The following SLC25A48 variants were observed in gnomAD, a reference collection of about 807,000 sequenced individuals.
SLC25A48 encodes the protein solute carrier family 25 member 48.
SLC25A48 carries 29 observed loss-of-function variants against 32.2 expected under a neutral mutation model. The ratio of observed to expected loss-of-function variants is 0.90; its 90% CI spans 0.67 to 1.23. The LOEUF is 1.23. SLC25A48 is among the 50% of genes most tolerant of loss of function. The pLI, the probability that SLC25A48 is intolerant of heterozygous loss-of-function variation, is 0.00. For synonymous variants in SLC25A48, 164 were observed against 172.3 expected, an observed-to-expected ratio of 0.95 and a Z score of 0.38; for missense variants, 399 against 422.7, an observed-to-expected ratio of 0.94 and a Z score of 0.49.
At chr5:135,882,995 G>T (rs1561565209) in intron 7 of SLC25A48, 1 of 975,786 alleles carries the variant, frequency 1.0e-6, no homozygotes, top group Non-Finnish European at 1.2e-6. Context: ...TGGGTTGTTT[G>T]ACCCCAAGAT....
At chr5:135,717,340 G>A (rs1325865009) in intron 3 of SLC25A48, among the ~76,000 whole-genome samples, 1 of 152,170 alleles carries the variant, frequency 6.6e-6, no homozygotes, top group Non-Finnish European at 1.5e-5. Context: ...GGCCACATCT[G>A]TGCCCTGCTT....
chr5:135,867,133 T>TA (rs1345766561), intron 4 of SLC25A48, among the ~76,000 whole-genome samples: 2 of 152,192 alleles, frequency 1.3e-5, no homozygotes, highest in Non-Finnish European at 2.9e-5. Flanking sequence ...CATTACAGAA[T>TA]AAAAAATTCT....
chr5:135,766,100 G>A (rs568638915), intron 3 of SLC25A48, among the ~76,000 whole-genome samples: 20 of 151,554 alleles, frequency 1.3e-4, no homozygotes, highest in Non-Finnish European at 1.8e-4. Context: ...TCCCCATATC[G>A]CGGGGGATGT....
intron 1 of SLC25A48, among the ~76,000 whole-genome samples, chr5:135,627,051 G>A (rs762327842): frequency 1.3e-5 from 2 of 152,170 alleles, no homozygotes; most frequent in Non-Finnish European, 2.9e-5. Flanking sequence ...AAAAAGGAGA[G>A]CCCAGGATCA....
At chr5:135,640,065 A>G (rs1752796839) in intron 3 of SLC25A48, among the ~76,000 whole-genome samples, 2 of 152,226 alleles carry the variant, frequency 1.3e-5, no homozygotes, top group Non-Finnish European at 2.9e-5. Flanking sequence ...GGGGAAACAG[A>G]TGAAAACTGT....
At chr5:135,612,568 A>G (rs1475419690) in intron 1 of SLC25A48, among the ~76,000 whole-genome samples, 1 of 152,128 alleles carries the variant, frequency 6.6e-6, no homozygotes, top group Non-Finnish European at 1.5e-5. Context: ...AGCCTCTGGT[A>G]TCTATCATTC....
At chr5:135,753,047 C>T (rs1755807176) in intron 3 of SLC25A48, among the ~76,000 whole-genome samples, 1 of 152,022 alleles carries the variant, frequency 6.6e-6, no homozygotes, top group African/African-American at 2.4e-5. Context: ...TGCATAATAT[C>T]ACTGGGGGTG....
rs536328561 is a variant in SLC25A48 at position 135,746,644 on chromosome 5, C to T, written c.-520-65879C>T. ...CAGGGATTTCCTATCATACATACTT[C>T]GGCAGTGCATCTCCTAAGAACACAG... On this transcript the variant is annotated intron_variant, in intron 3 of 10. Transcript: ENST00000646290. 3.3e-5 allele frequency among the ~76,000 whole-genome samples: 5 copies of T among 152,314 alleles called. No individual in the cohort carries two copies. The East Asian group carries it at 5.8e-4, about 18-fold the overall frequency.
At chr5:135,775,423 C>T (rs1354894676) in intron 3 of SLC25A48, among the ~76,000 whole-genome samples, 1 of 151,294 alleles carries the variant, frequency 6.6e-6, no homozygotes, top group Non-Finnish European at 1.5e-5. Context: ...TTCTAATGTT[C>T]AGGGGAAAGA....
intron 1 of SLC25A48, among the ~76,000 whole-genome samples, chr5:135,602,614 C>CTT (rs781288614): frequency 0.038 from 5,254 of 139,706 alleles, 309 homozygotes; most frequent in African/African-American, 0.13. Context: ...TTTTTTCTTT[C>CTT]TTTTTTTTTT....
At chr5:135,820,396 G>A (rs1757853846) in intron 4 of SLC25A48, among the ~76,000 whole-genome samples, 2 of 152,152 alleles carry the variant, frequency 1.3e-5, no homozygotes, top group South Asian at 4.1e-4. Flanking sequence ...GCTTGGAGTT[G>A]GGAAGCAAGA....
chr5:135,760,950 T>C (rs1312869384), intron 3 of SLC25A48, among the ~76,000 whole-genome samples: 1 of 152,084 alleles, frequency 6.6e-6, no homozygotes, highest in Non-Finnish European at 1.5e-5. Flanking sequence ...AGTATTTTTG[T>C]TTGGAAAGTG....
chr5:135,786,761 A>G (rs1401034528), intron 3 of SLC25A48, among the ~76,000 whole-genome samples: 1 of 152,026 alleles, frequency 6.6e-6, no homozygotes, highest in Non-Finnish European at 1.5e-5. Context: ...CAGTGGGTGT[A>G]CACCCTGTGT....
At chr5:135,678,015 A>C (rs1753810085) in intron 3 of SLC25A48, among the ~76,000 whole-genome samples, 1 of 152,148 alleles carries the variant, frequency 6.6e-6, no homozygotes, top group Admixed American at 6.6e-5. Flanking sequence ...TTTGCATTGT[A>C]TCTATTTAGG....
chr5:135,590,843 G>A lies in SLC25A48; in HGVS notation c.-849+11246G>A, dbSNP rs185289051. ...AGAGGGCATTGGCTGCAGGCCTACC[G>A]TGTGCTTTACAGACAACATCTCTTT... On this transcript the variant is annotated intron_variant, in intron 1 of 10. Coordinates refer to the SLC25A48 transcript ENST00000646290. Among the ~76,000 whole-genome samples the A allele has an allele frequency of 2.3e-3, 355 of 152,360 alleles. 1 individual carries two copies. Among genetic ancestry groups the A allele is most frequent in the Admixed American group, 3.9e-3 (60 of 15,308 alleles).
At chr5:135,757,289 G>A (rs996408230) in intron 3 of SLC25A48, among the ~76,000 whole-genome samples, 1 of 149,334 alleles carries the variant, frequency 6.7e-6, no homozygotes, top group Non-Finnish European at 1.5e-5. Flanking sequence ...AATGACTAGT[G>A]TTAACACACT....
intron 3 of SLC25A48, among the ~76,000 whole-genome samples, chr5:135,776,475 C>T (rs577523767): frequency 1.1e-4 from 17 of 151,792 alleles, no homozygotes; most frequent in Middle Eastern, 3.4e-3. Flanking sequence ...AGGTGTACAG[C>T]CCTTTGTGAT....
intron 2 of SLC25A48, among the ~76,000 whole-genome samples, chr5:135,844,525 G>A (rs1367623507): frequency 6.6e-6 from 1 of 152,200 alleles, no homozygotes. Flanking sequence ...GGCTCTAGGT[G>A]TGAATCCTGT....
Position 135,880,054 on chromosome 5 carries a change from G to T in SLC25A48, c.900G>T (p.Gln300His). 6.5e-7 allele frequency: 1 copy of T among 1,536,188 alleles called. No individual in the cohort carries two copies. Among genetic ancestry groups the T allele is most frequent in the South Asian group, 1.2e-5 (1 of 84,062 alleles). ...AMFLGYELSL[Q>H]AIRGDHAVTS... Reference sequence around the variant, plus strand: ...TCCTTGGGTACGAGCTGTCGCTGCAGGCTATCCGCGGGGACCACGCAGTGA... The same window carrying T: ...TCCTTGGGTACGAGCTGTCGCTGCATGCTATCCGCGGGGACCACGCAGTGA... Residue 300 changes from glutamine (Q) to histidine (H), a missense_variant, in exon 7 of 8, where the codon CAG becomes CAT. Coordinates refer to ENST00000681962, the MANE Select transcript of SLC25A48 (RefSeq NM_001349336.2).
Sources: gnomAD v4.1 joint callset for allele counts (sites outside exome capture counted in the v4.1 genomes callset) on GRCh38, gnomAD v4.1.1 for gene constraint, MANE v1.5 for transcripts, NCBI Gene and HGNC (gene_info 2026-07-23, HGNC 2026-07-21) for gene names.